Variants in PPP4R2 observed in about 807,000 individuals in gnomAD.
PPP4R2 encodes serine/threonine-protein phosphatase 4 regulatory subunit 2.
A neutral mutation model predicts 47.2 loss-of-function variants in PPP4R2; 13 were observed. That is an observed-to-expected ratio of 0.28 (90% CI 0.18 to 0.44). The LOEUF is 0.44. Among genes scored for constraint, PPP4R2 ranks in the 20% least tolerant of loss-of-function variants. The pLI is 1.00. For missense variants in PPP4R2, 421 were observed against 491.2 expected (o/e 0.86, Z 1.35); for synonymous variants, 151 against 163.3 (o/e 0.92, Z 0.57).
chr3:73,063,627 TA>T (rs368021867), intron 5 of PPP4R2, 45 bp from the exon 6 acceptor site: 1,193 of 1,145,626 alleles, frequency 1.0e-3, no homozygotes, highest in Middle Eastern at 1.4e-3. Flanking sequence ...AGACTCCATC[TA>T]AAAAAAAATT....
chr3:73,001,598 A>T (rs930230681), intron 2 of PPP4R2, among the ~76,000 whole-genome samples: 2 of 152,002 alleles, frequency 1.3e-5, no homozygotes, highest in Non-Finnish European at 2.9e-5. Context: ...ACACTTGCAC[A>T]CTTATGTAAT....
chr3:73,001,711 T>A (rs1311357986), intron 2 of PPP4R2, among the ~76,000 whole-genome samples: 1 of 152,170 alleles, frequency 6.6e-6, no homozygotes, highest in East Asian at 1.9e-4. Flanking sequence ...CGATCTCGGC[T>A]CACTTCATCC....
chr3:73,042,300 T>C (rs1165974530), intron 2 of PPP4R2, among the ~76,000 whole-genome samples: 1 of 152,126 alleles, frequency 6.6e-6, no homozygotes, highest in African/African-American at 2.4e-5. Flanking sequence ...AGAAATTGTT[T>C]TTGTTGCCAA....
At chr3:73,014,872 A>G in intron 2 of PPP4R2, 1 of 506,214 alleles carries the variant, frequency 2.0e-6, no homozygotes, top group South Asian at 3.1e-5. Flanking sequence ...TTGTGTATTT[A>G]TTTATTCATT....
chr3:73,024,197 C>T (rs2107260247), intron 2 of PPP4R2, among the ~76,000 whole-genome samples: 1 of 152,056 alleles, frequency 6.6e-6, no homozygotes, highest in South Asian at 2.1e-4. Flanking sequence ...GATGCAGGAA[C>T]ATTTATATAT....
intron 2 of PPP4R2, among the ~76,000 whole-genome samples, chr3:73,034,680 A>C (rs1432313645): frequency 2.6e-5 from 4 of 151,998 alleles, no homozygotes; most frequent in African/African-American, 9.7e-5. Flanking sequence ...TTATAGGTAC[A>C]TGCCACCATG....
At chr3:72,999,944 TACTG>T (rs1231471379) in intron 2 of PPP4R2, among the ~76,000 whole-genome samples, 1 of 152,256 alleles carries the variant, frequency 6.6e-6, no homozygotes, top group South Asian at 2.1e-4. Context: ...ATATCTTTGA[TACTG>T]ACATTTGCAG....
intron 2 of PPP4R2, among the ~76,000 whole-genome samples, chr3:73,004,260 C>T (rs1575836941): frequency 6.6e-6 from 1 of 151,654 alleles, no homozygotes; most frequent in East Asian, 1.9e-4. Context: ...AGGCAGGTCT[C>T]AAACTCCTGG....
intron 5 of PPP4R2, chr3:73,062,318 A>C: frequency 6.2e-7 from 1 of 1,605,066 alleles, no homozygotes; most frequent in Non-Finnish European, 8.5e-7. Context: ...GATTTGAGCT[A>C]TCTGGGAAAA....
At chr3:73,022,369 A>G (rs1329361283) in intron 2 of PPP4R2, among the ~76,000 whole-genome samples, 2 of 152,106 alleles carry the variant, frequency 1.3e-5, no homozygotes, top group African/African-American at 2.4e-5. Context: ...CCTAAGACTG[A>G]TGAGGTATAT....
intron 2 of PPP4R2, among the ~76,000 whole-genome samples, chr3:73,016,992 A>G (rs1268944673): frequency 6.6e-6 from 1 of 151,566 alleles, no homozygotes; most frequent in Admixed American, 6.6e-5. Context: ...ACATCTAGCT[A>G]ATTTTTGTAT....
chr3:73,016,171 CAATAA>C (rs1364015606), intron 2 of PPP4R2: 6 of 152,158 alleles, frequency 3.9e-5, no homozygotes, highest in Non-Finnish European at 8.8e-5. Flanking sequence ...TAACCCTTGA[CAATAA>C]ATTAGATCTG....
At chr3:73,032,484 T>G (rs1273334086) in intron 2 of PPP4R2, among the ~76,000 whole-genome samples, 1 of 152,114 alleles carries the variant, frequency 6.6e-6, no homozygotes, top group Admixed American at 6.6e-5. Flanking sequence ...AGGCGGGGTT[T>G]TACCATGTTG....
chr3:73,008,039 AC>A (rs899849434), intron 2 of PPP4R2, among the ~76,000 whole-genome samples: 3 of 51,264 alleles, frequency 5.9e-5, no homozygotes, highest in Non-Finnish European at 1.2e-4. Flanking sequence ...CCCAGCCCCC[AC>A]CCCCCCTCCC....
chr3:73,063,439 C>T, intron 5 of PPP4R2: 1 of 374,482 alleles, frequency 2.7e-6, no homozygotes. Flanking sequence ...GCCTGGCCAA[C>T]ATGGCAAAAC....
intron 3 of PPP4R2, among the ~76,000 whole-genome samples, chr3:73,049,703 T>G (rs1702570259): frequency 6.6e-6 from 1 of 151,238 alleles, no homozygotes; most frequent in African/African-American, 2.4e-5. Flanking sequence ...AATACCATTT[T>G]CAGTTCATTC....
At chr3:73,059,242 C>T in intron 4 of PPP4R2, 112 bp downstream of exon 4, 1 of 568,278 alleles carries the variant, frequency 1.8e-6, no homozygotes. Context: ...ATATGTTTTT[C>T]AGCCTACCTT....
intron 2 of PPP4R2, among the ~76,000 whole-genome samples, chr3:73,036,078 A>C (rs934173815): frequency 1.3e-5 from 2 of 152,230 alleles, no homozygotes; most frequent in African/African-American, 4.8e-5. Flanking sequence ...GAATGAATGA[A>C]GTCCCATCCT....
chr3:73,016,359 A>G (rs1701831678), intron 2 of PPP4R2, among the ~76,000 whole-genome samples: 1 of 152,100 alleles, frequency 6.6e-6, no homozygotes, highest in Admixed American at 6.6e-5. Context: ...GTTTGGGGGC[A>G]TGCTGCCGGC....
Sources: allele counts gnomAD v4.1 joint callset (sites outside exome capture counted in the v4.1 genomes callset), GRCh38; gene constraint gnomAD v4.1.1; transcripts MANE v1.5; gene names NCBI Gene and HGNC (gene_info 2026-07-23, HGNC 2026-07-21).